Variants in DENND2A observed in about 807,000 individuals in gnomAD.
DENND2A encodes DENN domain containing 2A, also known as DENN domain-containing protein 2A.
Under a neutral mutation model 105.3 loss-of-function variants are expected in DENND2A, and 53 were observed. That is an observed-to-expected ratio of 0.50 (90% confidence interval 0.40 to 0.63). The LOEUF is 0.63. Ranked by LOEUF, DENND2A falls within the 30% of genes least tolerant of loss-of-function variation. The probability of loss-of-function intolerance (pLI) is 0.00; values close to 1 mark genes in which losing one functional copy is unlikely to be tolerated. For missense variants in DENND2A, 1,138 were observed against 1,279.6 expected, an observed-to-expected ratio of 0.89 and a Z score of 1.69; for synonymous variants, 522 against 508.4, an observed-to-expected ratio of 1.03 and a Z score of -0.36.
chr7:140,542,152 G>A (rs1796689389), intron 14 of DENND2A, among the ~76,000 whole-genome samples: 1 of 152,030 alleles, frequency 6.6e-6, no homozygotes, highest in South Asian at 2.1e-4. Flanking sequence ...CCCTTCCTGG[G>A]GCTGCAGCCA....
At chr7:140,539,808 G>C (rs946210675) in intron 14 of DENND2A, among the ~76,000 whole-genome samples, 4 of 152,232 alleles carry the variant, frequency 2.6e-5, no homozygotes, top group African/African-American at 9.6e-5. Context: ...TCCTGTCTCA[G>C]AGCTCTTCGG....
chr7:140,532,116 T>C (rs1796293423), intron 14 of DENND2A, among the ~76,000 whole-genome samples: 1 of 151,230 alleles, frequency 6.6e-6, no homozygotes, highest in Non-Finnish European at 1.5e-5. Flanking sequence ...TACAAAAAAA[T>C]TAGCCAGATG....
Position 140,606,422 on chromosome 7 carries a change from C to T in DENND2A, c.-247-616G>A, listed in dbSNP as rs558365635. On this transcript the variant is annotated intron_variant, in intron 1 of 19. Coordinates refer to ENST00000496613, the MANE Select transcript of DENND2A (RefSeq NM_015689.5). Reference sequence around the variant, plus strand: ...TTAGAAAGCAAAACATAAATAACAACGAGACCCAGTGCTTTTTTAGGGTCT... The same window carrying T: ...TTAGAAAGCAAAACATAAATAACAATGAGACCCAGTGCTTTTTTAGGGTCT... Among the ~76,000 whole-genome samples the T allele has an allele frequency of 7.8e-4, 119 of 152,272 alleles. 1 individual carries two copies. Among genetic ancestry groups the T allele is most frequent in the African/African-American group, 2.6e-3 (108 of 41,542 alleles).
At chr7:140,602,567 G>A (rs1563172224) in intron 2 of DENND2A, 25 bp from the exon 3 acceptor site, 1 of 566,662 alleles carries the variant, frequency 1.8e-6, no homozygotes, top group Non-Finnish European at 2.8e-6. Flanking sequence ...CAAACACCAG[G>A]TGAGTGATTC....
intron 14 of DENND2A, among the ~76,000 whole-genome samples, chr7:140,541,613 G>C (rs1392718839): frequency 1.3e-5 from 2 of 152,204 alleles, no homozygotes; most frequent in Non-Finnish European, 2.9e-5. Context: ...GGCCACTGAA[G>C]GGTTATTACT....
chr7:140,593,833 C>T (rs1326532961), intron 3 of DENND2A, among the ~76,000 whole-genome samples: 1 of 152,192 alleles, frequency 6.6e-6, no homozygotes, highest in East Asian at 1.9e-4. Context: ...CGCCTCACCG[C>T]ACCTGCCCAT....
In DENND2A at chr7:140,521,836, C is replaced by A. The variant is rs757300615; in HGVS notation, c.2911+19G>T. The A allele has an allele frequency of 1.2e-6, 2 of 1,612,764 alleles. No homozygotes were observed. The highest frequency in any genetic ancestry group is 1.1e-5 in the South Asian group (1 of 91,042). ...GGAGCTCTAGCTGACTCGGCCCCAA[C>A]AGAGAAGATGCCCCTCACCTTTGGC... On this transcript the variant is annotated intron_variant, in intron 18 of 19. Coordinates refer to ENST00000496613, the MANE Select transcript of DENND2A (RefSeq NM_015689.5).
intron 12 of DENND2A, among the ~76,000 whole-genome samples, chr7:140,547,979 G>A (rs1796974207): frequency 6.6e-6 from 1 of 152,218 alleles, no homozygotes; most frequent in South Asian, 2.1e-4. Context: ...TTAGGGAGTG[G>A]CGGCTAATAG....
intron 1 of DENND2A, among the ~76,000 whole-genome samples, chr7:140,607,502 G>A (rs564161322): frequency 6.6e-6 from 1 of 152,308 alleles, no homozygotes; most frequent in Admixed American, 6.5e-5. Context: ...CAGCAACTCA[G>A]CACCAGACAT....
intron 3 of DENND2A, among the ~76,000 whole-genome samples, chr7:140,591,650 CCTTCCTTTCTTTCTTTCTTTCT>C (rs952277864): frequency 2.0e-5 from 3 of 146,402 alleles, no homozygotes; most frequent in African/African-American, 8.0e-5. Flanking sequence ...TCCCTCCCTT[CCTTCCTTTCTTTCTTTCTTTCT>C]CTTTCTTTCT....
chr7:140,587,383 A>G (rs141398085), intron 4 of DENND2A, among the ~76,000 whole-genome samples: 86 of 152,230 alleles, frequency 5.6e-4, no homozygotes, highest in African/African-American at 2.1e-3. Flanking sequence ...TCCAGGCCCC[A>G]CGCTTCTCGC....
intron 1 of DENND2A, among the ~76,000 whole-genome samples, chr7:140,608,333 A>C (rs1799766849): frequency 6.6e-6 from 1 of 152,170 alleles, no homozygotes; most frequent in Non-Finnish European, 1.5e-5. Context: ...AAGATATTAA[A>C]AATGCTGCTG....
At chr7:140,547,620 T>C (rs1374794172) in intron 12 of DENND2A, among the ~76,000 whole-genome samples, 1 of 152,146 alleles carries the variant, frequency 6.6e-6, no homozygotes, top group African/African-American at 2.4e-5. Context: ...ACCCAGCACA[T>C]AGCACTCCTA....
At chr7:140,553,516 C>A (rs1251326022) in intron 12 of DENND2A, among the ~76,000 whole-genome samples, 4 of 152,184 alleles carry the variant, frequency 2.6e-5, no homozygotes, top group African/African-American at 9.6e-5. Context: ...CTCCTCAGCA[C>A]AGACCCTTTA....
At chr7:140,593,389 A>G (rs1799143313) in intron 3 of DENND2A, among the ~76,000 whole-genome samples, 1 of 152,248 alleles carries the variant, frequency 6.6e-6, no homozygotes. Flanking sequence ...AGATGCTAGA[A>G]TGAGCTGGTT....
intron 6 of DENND2A, among the ~76,000 whole-genome samples, chr7:140,570,571 C>T (rs1249533929): frequency 2.0e-5 from 3 of 152,176 alleles, no homozygotes. Flanking sequence ...GCCATGCACC[C>T]GAGCGTGCAG....
rs759579143 is a variant in DENND2A at position 140,585,578 on chromosome 7, G to A, written c.1245+11C>T. ...CCCCCTCTCCTGCCACCATTCCCAG[G>A]GGACTCATACCTTGGTGAGTGTGTC... On this transcript the variant is annotated intron_variant, in intron 5 of 19. Transcript: ENST00000496613. The A allele has an allele frequency of 1.9e-6, 3 of 1,613,946 alleles. No individual in the cohort carries two copies. Among genetic ancestry groups the A allele is most frequent in the East Asian group, 2.2e-5 (1 of 44,870 alleles).
intron 1 of DENND2A, among the ~76,000 whole-genome samples, chr7:140,612,734 TCAAGTGATCC>T: frequency 6.6e-6 from 1 of 152,196 alleles, no homozygotes; most frequent in East Asian, 2.0e-4. Flanking sequence ...ACTCCTGATC[TCAAGTGATCC>T]GCCCACCTTG....
intron 7 of DENND2A, 105 bp downstream of exon 7, chr7:140,569,540 T>C (rs1798003018): frequency 1.2e-6 from 1 of 809,432 alleles, no homozygotes; most frequent in Non-Finnish European, 2.2e-6. Flanking sequence ...AAGCATCAGC[T>C]TGTTCTCCTC....
Sources: gnomAD v4.1 joint callset for allele counts (sites outside exome capture counted in the v4.1 genomes callset) on GRCh38, gnomAD v4.1.1 for gene constraint, MANE v1.5 for transcripts, NCBI Gene and HGNC (gene_info 2026-07-23, HGNC 2026-07-21) for gene names.